Variants in KRT32 observed in about 807,000 individuals in gnomAD.
KRT32 encodes the protein keratin, type I cuticular Ha2.
Under a neutral mutation model 41.8 loss-of-function variants are expected in KRT32, and 44 were observed. The ratio of observed to expected loss-of-function variants is 1.05; its 90% CI spans 0.83 to 1.35. The LOEUF (loss-of-function observed/expected upper bound fraction) is 1.35. KRT32 is among the 40% of genes most tolerant of loss of function. KRT32 has a pLI of 0.00. For synonymous variants in KRT32, 238 were observed against 242.5 expected, an observed-to-expected ratio of 0.98 and a Z score of 0.17; for missense variants, 576 against 584.6, an observed-to-expected ratio of 0.99 and a Z score of 0.15.
chr17:41,464,326 C>A lies in KRT32; in HGVS notation c.826G>T (p.Val276Leu). 6.2e-7 allele frequency: 1 copy of A among 1,611,044 alleles called. No individual in the cohort carries two copies. The highest frequency in any genetic ancestry group is 8.5e-7 in the Non-Finnish European group (1 of 1,178,288). Residue 276 changes from valine to leucine, a missense_variant, in exon 4 of 7, where the codon GTG becomes TTG. Coordinates refer to ENST00000225899, the MANE Select transcript of KRT32 (RefSeq NM_002278.3). ...TCCACGTCCCTGCGGTTGGCCTCCA[C>A]CATGGCCTCGTACTGACACCGCATC... ...EEMRCQYEAM[V>L]EANRRDVEEW...
chr17:41,460,100 C>A lies in KRT32; in HGVS notation c.*10G>T. On this transcript the variant is annotated 3_prime_UTR_variant, in exon 7 of 7. Transcript: ENST00000225899. Reference sequence around the variant, plus strand: ...CCAGGCCCTCCAGGATCCACTGGCACAAAGGGACTTCAGTAGCGGCCCTGG... The same window carrying A: ...CCAGGCCCTCCAGGATCCACTGGCAAAAAGGGACTTCAGTAGCGGCCCTGG... 2 of 1,595,436 alleles carry A rather than the reference C, an allele frequency of 1.3e-6. No individual in the cohort carries two copies. The highest frequency in any genetic ancestry group is 8.5e-7 in the Non-Finnish European group (1 of 1,170,946).
Position 41,467,203 on chromosome 17 carries a change from G to A in KRT32, c.123C>T (p.Cys41=). 2 of 1,613,896 alleles carry A rather than the reference G, an allele frequency of 1.2e-6. No homozygotes were observed. Among genetic ancestry groups the A allele is most frequent in the East Asian group, 4.5e-5 (2 of 44,878 alleles). Residue 41 remains cysteine (C), a synonymous_variant, in exon 1 of 7, where the codon TGC becomes TGT. Coordinates refer to ENST00000225899, the MANE Select transcript of KRT32 (RefSeq NM_002278.3). The part of the protein sequence containing the change: ...CRPELCLGYV[C]QPMACLPSVC... ...CCGAAGGCAGGCATGCCATGGGCTG[G>A]CAGACATAGCCCAGGCACAGCTCAG... is the stretch of plus-strand genomic sequence containing the variant.
Position 41,466,078 on chromosome 17 carries a change from C to T in KRT32, c.551+16G>A. 6.2e-7 allele frequency: 1 copy of T among 1,613,706 alleles called. No homozygotes were observed. The highest frequency in any genetic ancestry group is 8.5e-7 in the Non-Finnish European group (1 of 1,179,694). On this transcript the variant is annotated intron_variant, in intron 2 of 6. Transcript: ENST00000225899. ...GGACAGGTCCTCCCCAGCTCCAGCC[C>T]CCCGACTGAACTCACTTGGCCCTGA...
Position 41,462,809 on chromosome 17 carries a change from GC to G in KRT32, c.1217+20del, listed in dbSNP as rs764604093. ...AGAATCCCTGCCCACGTCTCTCTAA[GC>G]CTCAGCTGGGCCTGCGTACTTGCAG... On this transcript the variant is annotated intron_variant, in intron 6 of 6. Transcript: ENST00000225899. 6.2e-7 allele frequency: 1 copy of G among 1,611,930 alleles called. No homozygotes were observed. The highest frequency in any genetic ancestry group is 1.1e-5 in the South Asian group (1 of 90,968).
In KRT32 at chr17:41,460,057, A is replaced by G. The variant is rs2018983482; in HGVS notation, c.*53T>C. On this transcript the variant is annotated 3_prime_UTR_variant, in exon 7 of 7. Transcript: ENST00000225899. ...GCCCTGCTCTTCTGGTGGCCACTGA[A>G]TACCAGGCTGCCCAGCCCCAGGCCC... The G allele has an allele frequency of 1.3e-6, 2 of 1,540,056 alleles. No homozygotes were observed. The highest frequency in any genetic ancestry group is 1.7e-6 in the Non-Finnish European group (2 of 1,144,540).
intron 6 of KRT32, among the ~76,000 whole-genome samples, chr17:41,461,446 A>G (rs1480139777): frequency 2.6e-5 from 4 of 152,218 alleles, no homozygotes; most frequent in East Asian, 1.9e-4. Context: ...CAGAGAACCA[A>G]TGGGAGGCCT....
At chr17:41,463,427 G>A (rs564342247) in intron 5 of KRT32, among the ~76,000 whole-genome samples, 5 of 152,328 alleles carry the variant, frequency 3.3e-5, no homozygotes, top group African/African-American at 9.6e-5. Context: ...ATGGCTGGCC[G>A]GTCACAGTAG....
intron 6 of KRT32, 115 bp from the exon 7 acceptor site, chr17:41,460,354 C>T: frequency 7.6e-7 from 1 of 1,319,260 alleles, no homozygotes; most frequent in Non-Finnish European, 1.1e-6. Flanking sequence ...CTTTCTCTGC[C>T]CAGCCTCCCT....
rs971402349 is a variant in KRT32, at chr17:41,463,991, C to T, written c.996+87G>A. The T allele has an allele frequency of 6.2e-6, 8 of 1,298,696 alleles. No homozygotes were observed. The African/African-American group carries it at 9.0e-5, about 15-fold the overall frequency. The allele number at this position is 1,298,696 out of a possible 1,614,324, so 80.4% of individuals were successfully genotyped here. The stretch of plus-strand genomic sequence containing the variant: ...CATCCATGGTGGCTGAAATCTGAGC[C>T]TCCTCTTCCTCTTTCCTGGGGACCT... On this transcript the variant is annotated intron_variant, in intron 5 of 6. Coordinates refer to ENST00000225899, the MANE Select transcript of KRT32 (RefSeq NM_002278.3).
At position 41,465,929 on chromosome 17, in the gene KRT32, C is replaced by G. The variant is rs2144453049; in HGVS notation, c.552G>C (p.Lys184Asn). Residue 184 changes from lysine to asparagine, a missense_variant and splice_region_variant, in exon 3 of 7, where the codon AAG (lysine) becomes AAC (asparagine). Physicochemically the swap from Lys to Asn is moderately conservative, Grantham distance 94. Transcript: ENST00000225899. Reference sequence around the variant, plus strand: ...GCCGCATGGCCAGCTCTGCCTCGTACCTGCACAAGGACAGGGTCAGCAACC... The same window carrying G: ...GCCGCATGGCCAGCTCTGCCTCGTAGCTGCACAAGGACAGGGTCAGCAACC... ...AKLAADDFRAKYEAELAMRQL... is the reference protein window; with the variant it reads ...AKLAADDFRANYEAELAMRQL... 3 of 1,612,834 alleles carry G rather than the reference C, an allele frequency of 1.9e-6. No homozygotes were observed. The highest frequency in any genetic ancestry group is 1.1e-5 in the South Asian group (1 of 90,958).
In KRT32 at chr17:41,462,820, G is replaced by T. The variant is rs780593594; in HGVS notation, c.1217+10C>A. 2.4e-5 allele frequency: 38 copies of T among 1,612,402 alleles called. No individual in the cohort carries two copies. The highest frequency in any genetic ancestry group is 3.1e-5 in the Non-Finnish European group (37 of 1,179,664). ...CCACGTCTCTCTAAGCCTCAGCTGG[G>T]CCTGCGTACTTGCAGTCCTCGTTCT... On this transcript the variant is annotated intron_variant, in intron 6 of 6. Transcript: ENST00000225899.
At chr17:41,461,339 T>C (rs2019000321) in intron 6 of KRT32, among the ~76,000 whole-genome samples, 1 of 152,058 alleles carries the variant, frequency 6.6e-6, no homozygotes, top group African/African-American at 2.4e-5. Flanking sequence ...GAAGAATTAA[T>C]ACATGGTGAA....
At chr17:41,466,833 C>A in intron 1 of KRT32, 25 bp downstream of exon 1, 1 of 1,538,128 alleles carries the variant, frequency 6.5e-7, no homozygotes, top group Non-Finnish European at 8.9e-7. Context: ...CCCAGAGAGC[C>A]TATTCACCTC....
chr17:41,462,795 C>A (rs1025676982), intron 6 of KRT32, 35 bp downstream of exon 6: 24 of 1,608,130 alleles, frequency 1.5e-5, no homozygotes, highest in Non-Finnish European at 1.9e-5. Context: ...GAATCCCTGC[C>A]CACGTCTCTC....
At position 41,466,894 on chromosome 17, in the gene KRT32, C is replaced by T. The variant is rs151232491; in HGVS notation, c.432G>A (p.Gln144=). 6.2e-7 allele frequency: 1 copy of T among 1,614,084 alleles called. No individual in the cohort carries two copies. The highest frequency in any genetic ancestry group is 8.5e-7 in the Non-Finnish European group (1 of 1,179,940). ...SQVLTMTPDY[Q]SHFRTIEELQ... ...GCTCCTCAATGGTCCTGAAATGAGA[C>T]TGGTAGTCAGGAGTCATGGTGAGCA... Residue 144 remains glutamine, a synonymous_variant, in exon 1 of 7, where the codon CAG becomes CAA. Coordinates refer to ENST00000225899, the MANE Select transcript of KRT32 (RefSeq NM_002278.3).
intron 1 of KRT32, among the ~76,000 whole-genome samples, chr17:41,466,549 A>ATCCT (rs2019070629): frequency 6.6e-6 from 1 of 152,140 alleles, no homozygotes; most frequent in Non-Finnish European, 1.5e-5. Flanking sequence ...ATCTCATCAA[A>ATCCT]TCCTTTTGAC....
rs2018982368 is a variant in KRT32, at chr17:41,459,979, T to C, written c.*131A>G. On this transcript the variant is annotated 3_prime_UTR_variant, in exon 7 of 7. Coordinates refer to ENST00000225899, the MANE Select transcript of KRT32 (RefSeq NM_002278.3). ...AAGTATCCCCTGGAGTATCAGAGCT[T>C]GTTGCAGGTGATCCACGGTCCTGCT... 2.2e-6 allele frequency: 2 copies of C among 929,366 alleles called. No individual in the cohort carries two copies. The highest frequency in any genetic ancestry group is 3.2e-6 in the Non-Finnish European group (2 of 633,506). The allele number at this position is 929,366 out of a possible 1,614,324, so 57.6% of individuals were successfully genotyped here.
rs1197473426 is a variant in KRT32 at position 41,460,737 on chromosome 17, A to G, written c.1218-498T>C. ...GCAGGGAGGGAGAAAATTAAAACAA[A>G]TATCTAATGCATGCAGGGCTTAAAA... On this transcript the variant is annotated intron_variant, in intron 6 of 6. Transcript: ENST00000225899. Among the ~76,000 whole-genome samples, 7 of 152,166 alleles carry G rather than the reference A, an allele frequency of 4.6e-5. No homozygotes were observed. The East Asian group carries it at 1.2e-3, about 25-fold the overall frequency.
At chr17:41,464,521 A>T (rs543082865) in intron 3 of KRT32, 78 bp from the exon 4 acceptor site, 4 of 1,371,964 alleles carry the variant, frequency 2.9e-6, no homozygotes, top group Non-Finnish European at 3.9e-6. Context: ...ACATGAAAAG[A>T]TGCAACAAAA....
Sources: gnomAD v4.1 joint callset for allele counts (sites outside exome capture counted in the v4.1 genomes callset) on GRCh38, gnomAD v4.1.1 for gene constraint, MANE v1.5 for transcripts, NCBI Gene and HGNC (gene_info 2026-07-23, HGNC 2026-07-21) for gene names.